Variants in SETBP1 observed in about 807,000 individuals in gnomAD.
SETBP1 encodes SET-binding protein.
Under a neutral mutation model 101.0 loss-of-function variants are expected in SETBP1, and 9 were observed. The ratio of observed to expected loss-of-function variants is 0.09; its 90% confidence interval spans 0.05 to 0.16. The LOEUF (loss-of-function observed/expected upper bound fraction) is 0.16. Among genes scored for constraint, SETBP1 ranks in the 10% least tolerant of loss-of-function variants. The pLI is 1.00. For missense variants in SETBP1, 1,858 were observed against 2,033.8 expected, an observed-to-expected ratio of 0.91 and a Z score of 1.66; for synonymous variants, 818 against 788.5, an observed-to-expected ratio of 1.04 and a Z score of -0.63.
Position 45,049,465 on chromosome 18 carries a change from A to AAATT in SETBP1, c.4171+10812_4171+10815dup, listed in dbSNP as rs1183669366. Among the ~76,000 whole-genome samples, 5 of 152,352 alleles carry AAATT rather than the reference A, an allele frequency of 3.3e-5. No homozygotes were observed. The South Asian group carries it at 6.2e-4, about 19-fold the overall frequency. On this transcript the variant is annotated intron_variant, in intron 5 of 5. Coordinates refer to ENST00000649279, the MANE Select transcript of SETBP1 (RefSeq NM_015559.3). ...CCTACGGAAGGTTATAAATTTTAAA[A>AAATT]AATTAGCCATTTATGAACATCAGAA...
intron 3 of SETBP1, among the ~76,000 whole-genome samples, chr18:44,920,542 C>A (rs1275580162): frequency 6.6e-6 from 1 of 152,120 alleles, no homozygotes; most frequent in African/African-American, 2.4e-5. Context: ...GAGAATCCTG[C>A]AAGTGAGGGG....
intron 3 of SETBP1, among the ~76,000 whole-genome samples, chr18:44,944,330 A>T (rs893870254): frequency 1.3e-5 from 2 of 152,218 alleles, no homozygotes; most frequent in Non-Finnish European, 2.9e-5. Context: ...CTGCATGTTT[A>T]TCACCAAAAA....
chr18:45,037,463 G>A (rs562506473), intron 4 of SETBP1, among the ~76,000 whole-genome samples: 4 of 152,262 alleles, frequency 2.6e-5, no homozygotes, highest in Admixed American at 2.6e-4. Flanking sequence ...GTATGCACTA[G>A]GCACGGTTCT....
intron 4 of SETBP1, among the ~76,000 whole-genome samples, chr18:45,009,016 A>C (rs2072784038): frequency 6.6e-6 from 1 of 152,078 alleles, no homozygotes; most frequent in African/African-American, 2.4e-5. Flanking sequence ...GAGACTGGGG[A>C]GGCAATTGCC....
At position 44,959,142 on chromosome 18, in the gene SETBP1, C is replaced by T. The variant is rs376039138; in HGVS notation, c.4000+5802C>T. ...TCCTGGTGAAAGTTTTTATTTTTAC[C>T]TCTGTGGGATTGGGAAATTATGCAG... is the stretch of plus-strand genomic sequence containing the variant. On this transcript the variant is annotated intron_variant, in intron 4 of 5. Coordinates refer to ENST00000649279, the MANE Select transcript of SETBP1 (RefSeq NM_015559.3). Among the ~76,000 whole-genome samples the T allele has an allele frequency of 7.9e-5, 12 of 152,096 alleles. 1 individual carries two copies. The highest frequency in any genetic ancestry group is 2.9e-4 in the African/African-American group (12 of 41,414).
chr18:44,747,391 A>G (rs2070279427), intron 2 of SETBP1, among the ~76,000 whole-genome samples: 1 of 152,264 alleles, frequency 6.6e-6, no homozygotes, highest in Admixed American at 6.5e-5. Context: ...AACTGAAAAG[A>G]GCATTAGAAA....
At chr18:44,804,774 T>G (rs752563493) in intron 2 of SETBP1, among the ~76,000 whole-genome samples, 1 of 152,118 alleles carries the variant, frequency 6.6e-6, no homozygotes, top group Non-Finnish European at 1.5e-5. Context: ...CTCTTCTTAT[T>G]AGTAAAAAGA....
At chr18:45,032,675 C>G (rs2073321539) in intron 4 of SETBP1, among the ~76,000 whole-genome samples, 1 of 152,116 alleles carries the variant, frequency 6.6e-6, no homozygotes, top group African/African-American at 2.4e-5. Flanking sequence ...GTTCCTCTCC[C>G]CAAGCTATGA....
chr18:45,049,989 C>A (rs1185517937), intron 5 of SETBP1, among the ~76,000 whole-genome samples: 2 of 152,156 alleles, frequency 1.3e-5, no homozygotes, highest in African/African-American at 2.4e-5. Context: ...AATGAGGCAG[C>A]AGTTGCTTTG....
Position 44,949,078 on chromosome 18 carries a change from C to T in SETBP1, c.541-803C>T, listed in dbSNP as rs1025668666. On this transcript the variant is annotated intron_variant, in intron 3 of 5. Coordinates refer to ENST00000649279, the MANE Select transcript of SETBP1 (RefSeq NM_015559.3). Reference sequence around the variant, plus strand: ...TCAAGAAAGCAATAAGTACGTAATACGAAGTTTAAGGATTTCTTTGCATGC... The same window carrying T: ...TCAAGAAAGCAATAAGTACGTAATATGAAGTTTAAGGATTTCTTTGCATGC... 6.6e-5 allele frequency among the ~76,000 whole-genome samples: 10 copies of T among 152,124 alleles called. No homozygotes were observed. In the East Asian group the frequency reaches 7.7e-4, roughly 12 times the overall value.
chr18:45,010,009 G>A (rs556985361), intron 4 of SETBP1, among the ~76,000 whole-genome samples: 1 of 152,290 alleles, frequency 6.6e-6, no homozygotes, highest in Admixed American at 6.5e-5. Context: ...TCGCCTGGGA[G>A]GTTCTGTTAC....
At chr18:44,938,958 ATGTGTG>A (rs111916615) in intron 3 of SETBP1, among the ~76,000 whole-genome samples, 7 of 147,234 alleles carry the variant, frequency 4.8e-5, no homozygotes, top group Admixed American at 1.3e-4. Context: ...GAGTGTGTGC[ATGTGTG>A]TGTGTGTGTG....
At position 44,925,129 on chromosome 18, in the gene SETBP1, G is replaced by A. The variant is rs114063477; in HGVS notation, c.541-24752G>A. 5.3e-3 allele frequency among the ~76,000 whole-genome samples: 771 copies of A among 146,014 alleles called. 2 individuals carry two copies. Among genetic ancestry groups the A allele is most frequent in the African/African-American group, 0.018 (709 of 39,396 alleles). On this transcript the variant is annotated intron_variant, in intron 3 of 5. Transcript: ENST00000649279. ...TTTTTTTTTTTTTTTAAACCACAGC[G>A]CTCAAGCTGTTGGGTACATACCCAT...
intron 4 of SETBP1, among the ~76,000 whole-genome samples, chr18:45,004,735 A>G (rs184698144): frequency 6.6e-6 from 1 of 152,318 alleles, no homozygotes. Context: ...AGTGAATCAC[A>G]GGCTTCACTC....
intron 2 of SETBP1, among the ~76,000 whole-genome samples, chr18:44,842,294 G>C (rs1015655230): frequency 3.3e-5 from 5 of 152,208 alleles, no homozygotes; most frequent in African/African-American, 1.2e-4. Context: ...ACCAGCTCAG[G>C]GGGAGGGCCT....
At chr18:44,996,123 T>A (rs1406668128) in intron 4 of SETBP1, among the ~76,000 whole-genome samples, 2 of 152,236 alleles carry the variant, frequency 1.3e-5, no homozygotes, top group Non-Finnish European at 2.9e-5. Context: ...ACTGTTCTTG[T>A]TTCTTCCTCT....
intron 2 of SETBP1, among the ~76,000 whole-genome samples, chr18:44,815,909 C>A (rs1366959124): frequency 2.0e-5 from 3 of 152,166 alleles, no homozygotes; most frequent in African/African-American, 7.2e-5. Context: ...TCTTGGAGGA[C>A]CCTCCCAGCT....
intron 3 of SETBP1, among the ~76,000 whole-genome samples, chr18:44,899,984 C>A (rs1434845468): frequency 1.3e-5 from 2 of 152,124 alleles, no homozygotes; most frequent in African/African-American, 4.8e-5. Context: ...CACAACCCTG[C>A]CACTGTAGCT....
intron 3 of SETBP1, among the ~76,000 whole-genome samples, chr18:44,879,251 T>C (rs1437126564): frequency 6.6e-6 from 1 of 152,200 alleles, no homozygotes; most frequent in Non-Finnish European, 1.5e-5. Context: ...TACTTTATAG[T>C]TTGGTAGTTA....
Sources: allele counts gnomAD v4.1 joint callset (sites outside exome capture counted in the v4.1 genomes callset), GRCh38; gene constraint gnomAD v4.1.1; transcripts MANE v1.5; gene names NCBI Gene and HGNC (gene_info 2026-07-23, HGNC 2026-07-21).